The following GULP1 variants were observed in gnomAD, a reference collection of about 807,000 sequenced individuals.
GULP1 encodes the protein PTB domain-containing engulfment adapter protein 1.
Under a neutral mutation model 40.9 loss-of-function variants are expected in GULP1, and 19 were observed. The observed-to-expected ratio is 0.46, with a 90% confidence interval of 0.32 to 0.68. GULP1 has a LOEUF of 0.68. Among genes scored for constraint, GULP1 ranks in the 30% least tolerant of loss-of-function variants. GULP1 has a pLI of 0.03. For missense variants in GULP1, 312 were observed against 362.2 expected (o/e 0.86, Z 1.12); for synonymous variants, 119 against 117.6 (o/e 1.01, Z -0.08).
intron 2 of GULP1, among the ~76,000 whole-genome samples, chr2:188,400,923 TTGTGTGTG>T (rs61060931): frequency 0.071 from 9,861 of 139,556 alleles, 375 homozygotes; most frequent in African/African-American, 0.11. Context: ...AGTGGTGTGT[TTGTGTGTG>T]TGTGTGTGTG....
At chr2:188,464,632 C>A (rs1207085638) in intron 2 of GULP1, among the ~76,000 whole-genome samples, 1 of 152,190 alleles carries the variant, frequency 6.6e-6, no homozygotes, top group Admixed American at 6.5e-5. Context: ...TTCAGAGGTG[C>A]CACCTGGGAG....
rs993823418 is a variant in GULP1, at chr2:188,438,483, A to G, written c.-44-39176A>G. On this transcript the variant is annotated intron_variant, in intron 2 of 11. Coordinates refer to ENST00000409830, the MANE Select transcript of GULP1 (RefSeq NM_016315.4). Reference sequence around the variant, plus strand: ...ATAGTTATATAATCAGTATATTAACATAACAATTATTAATATAATTATTCT... The same window carrying G: ...ATAGTTATATAATCAGTATATTAACGTAACAATTATTAATATAATTATTCT... 6.0e-5 allele frequency among the ~76,000 whole-genome samples: 9 copies of G among 150,934 alleles called. No individual in the cohort carries two copies. In the South Asian group the frequency reaches 6.2e-4, roughly 10 times the overall value.
chr2:188,295,764 A>G (rs1224173240), intron 1 of GULP1, among the ~76,000 whole-genome samples: 1 of 152,114 alleles, frequency 6.6e-6, no homozygotes, highest in East Asian at 1.9e-4. Flanking sequence ...AAGCACGTGT[A>G]TATGGGATAT....
At chr2:188,527,229 G>A (rs550774631) in intron 5 of GULP1, among the ~76,000 whole-genome samples, 1 of 152,230 alleles carries the variant, frequency 6.6e-6, no homozygotes, top group South Asian at 2.1e-4. Context: ...TTAAAAGGTT[G>A]CACAGTTCTT....
chr2:188,389,830 C>T (rs914380261), intron 2 of GULP1, among the ~76,000 whole-genome samples: 48 of 152,058 alleles, frequency 3.2e-4, no homozygotes, highest in African/African-American at 1.0e-3. Context: ...CTCTGTATGC[C>T]TTTGCATACC....
At chr2:188,521,355 G>T (rs1360220935) in intron 4 of GULP1, among the ~76,000 whole-genome samples, 9 of 151,888 alleles carry the variant, frequency 5.9e-5, no homozygotes, top group Non-Finnish European at 1.2e-4. Flanking sequence ...TCACTTTTTG[G>T]ATTGGTCAGG....
intron 6 of GULP1, among the ~76,000 whole-genome samples, chr2:188,533,346 G>A (rs1688060465): frequency 6.6e-6 from 1 of 152,090 alleles, no homozygotes; most frequent in Non-Finnish European, 1.5e-5. Context: ...ACAGCCATCT[G>A]ATTTTTTGAC....
At chr2:188,591,231 A>T (rs970690400) in intron 11 of GULP1, 20 of 152,204 alleles carry the variant, frequency 1.3e-4, no homozygotes, top group African/African-American at 4.8e-4. Flanking sequence ...AAAGAACTGT[A>T]ATGCTATTTT....
At chr2:188,453,121 T>A (rs972462181) in intron 2 of GULP1, among the ~76,000 whole-genome samples, 2 of 152,108 alleles carry the variant, frequency 1.3e-5, no homozygotes, top group African/African-American at 4.8e-5. Context: ...CCCTTCTTTT[T>A]AATATGGAAT....
Position 188,595,051 on chromosome 2 carries a change from T to G in GULP1, c.*1040T>G, listed in dbSNP as rs1395725267. On this transcript the variant is annotated 3_prime_UTR_variant, in exon 12 of 12. Transcript: ENST00000409830. ...ATTTGTTTTGTTAAAGTCAAAAATC[T>G]CATTTTCCAAAAAAAAAAAAAAAAC... is the stretch of plus-strand genomic sequence containing the variant. 1.8e-5 allele frequency: 2 copies of G among 110,908 alleles called. No individual in the cohort carries two copies. The highest frequency in any genetic ancestry group is 3.8e-5 in the Non-Finnish European group (2 of 52,376). The allele number at this position is 110,908 out of a possible 1,614,324, so 6.9% of individuals were successfully genotyped here.
chr2:188,590,320 C>G (rs1341351560), intron 11 of GULP1: 1 of 152,060 alleles, frequency 6.6e-6, no homozygotes, highest in Non-Finnish European at 1.5e-5. Flanking sequence ...GTCACTTTAA[C>G]AAAAGTAAAA....
chr2:188,514,529 A>G (rs190630818), intron 4 of GULP1, among the ~76,000 whole-genome samples: 1 of 152,358 alleles, frequency 6.6e-6, no homozygotes, highest in East Asian at 1.9e-4. Flanking sequence ...CTTGCCAGAC[A>G]ACACATAACT....
intron 3 of GULP1, 111 bp downstream of exon 3, chr2:188,477,841 A>G (rs2061139272): frequency 2.6e-6 from 2 of 771,086 alleles, no homozygotes; most frequent in Non-Finnish European, 4.3e-6. Flanking sequence ...TGGCCCAGAA[A>G]TGAAGTTAGA....
chr2:188,521,094 C>T (rs2065722647), intron 4 of GULP1, among the ~76,000 whole-genome samples: 1 of 151,576 alleles, frequency 6.6e-6, no homozygotes, highest in Admixed American at 6.6e-5. Context: ...GTGATTAATT[C>T]GTGAATCTCT....
At chr2:188,446,157 A>G (rs985042908) in intron 2 of GULP1, among the ~76,000 whole-genome samples, 1 of 152,120 alleles carries the variant, frequency 6.6e-6, no homozygotes, top group African/African-American at 2.4e-5. Flanking sequence ...GTCTTTTTTC[A>G]TGCAATAAAA....
At chr2:188,400,951 G>A (rs1045573247) in intron 2 of GULP1, among the ~76,000 whole-genome samples, 3 of 151,382 alleles carry the variant, frequency 2.0e-5, no homozygotes, top group Non-Finnish European at 4.4e-5. Flanking sequence ...GTGTGTGTGT[G>A]TGTGTGTGTG....
chr2:188,529,459 T>C (rs550811808), intron 6 of GULP1, among the ~76,000 whole-genome samples: 2 of 152,316 alleles, frequency 1.3e-5, no homozygotes, highest in South Asian at 4.1e-4. Flanking sequence ...TGGGAATGTT[T>C]TTTTCATGAG....
intron 1 of GULP1, among the ~76,000 whole-genome samples, chr2:188,340,714 CT>C (rs2042850709): frequency 6.6e-6 from 1 of 152,150 alleles, no homozygotes; most frequent in Admixed American, 6.5e-5. Flanking sequence ...CACACCCGAG[CT>C]CTTTTTCGGC....
intron 2 of GULP1, among the ~76,000 whole-genome samples, chr2:188,474,351 T>C (rs2060832945): frequency 6.6e-6 from 1 of 152,150 alleles, no homozygotes. Context: ...CTTTCCAGTT[T>C]ATTTGGAGCC....
Sources: gnomAD v4.1 joint callset for allele counts (sites outside exome capture counted in the v4.1 genomes callset) on GRCh38, gnomAD v4.1.1 for gene constraint, MANE v1.5 for transcripts, NCBI Gene and HGNC (gene_info 2026-07-23, HGNC 2026-07-21) for gene names.